CAMK4: variants seen among roughly 807,000 people sequenced by gnomAD.
The protein encoded by CAMK4 is calcium/calmodulin dependent protein kinase IV.
CAMK4 carries 22 observed loss-of-function variants against 44.9 expected under a neutral mutation model. That is an observed-to-expected ratio of 0.49 (90% CI 0.35 to 0.70). The LOEUF is 0.70. Among genes scored for constraint, CAMK4 ranks in the 30% least tolerant of loss-of-function variants. The pLI is 0.01. For missense variants in CAMK4, 498 were observed against 586.8 expected (o/e 0.85, Z 1.56); for synonymous variants, 218 against 215.4 (o/e 1.01, Z -0.11).
chr5:111,346,842 CAAAA>C (rs1483706488), intron 2 of CAMK4, among the ~76,000 whole-genome samples: 1 of 150,886 alleles, frequency 6.6e-6, no homozygotes. Context: ...AACAAACAAA[CAAAA>C]ACACTAACAC....
intron 4 of CAMK4, among the ~76,000 whole-genome samples, chr5:111,389,337 T>C (rs1751718240): frequency 6.6e-6 from 1 of 152,174 alleles, no homozygotes; most frequent in South Asian, 2.1e-4. Flanking sequence ...AACATATGAA[T>C]TTGGGAGAGA....
At chr5:111,229,244 G>C (rs1341686408) in intron 1 of CAMK4, among the ~76,000 whole-genome samples, 1 of 152,188 alleles carries the variant, frequency 6.6e-6, no homozygotes, top group African/African-American at 2.4e-5. Flanking sequence ...CCCAGCCAAT[G>C]CATTTCCTCA....
intron 1 of CAMK4, among the ~76,000 whole-genome samples, chr5:111,321,622 G>A (rs926460006): frequency 1.2e-4 from 18 of 152,148 alleles, no homozygotes; most frequent in African/African-American, 4.1e-4. Flanking sequence ...AGCAGTGGGT[G>A]TAGTCTCAAG....
At position 111,224,601 on chromosome 5, in the gene CAMK4, G is replaced by A; in HGVS notation, c.118G>A (p.Asp40Asn). 6.2e-7 allele frequency: 1 copy of A among 1,612,008 alleles called. No individual in the cohort carries two copies. The part of the protein sequence containing the change: ...PDYWIDGSNR[D>N]ALSDFFEVES... ...TTACTGGATCGACGGCTCCAACAGG[G>A]ATGCGCTGAGCGATTTCTTCGAGGT... The change falls in exon 1 of 11, where the codon GAT becomes AAT. Residue 40 changes from aspartate (D) to asparagine (N), a missense_variant. Transcript: ENST00000282356. This position sits in a 1 kb window ranked among gnomAD's most constrained non-coding sequence, Gnocchi z 5.7.
At chr5:111,443,421 A>G (rs182761681) in intron 5 of CAMK4, among the ~76,000 whole-genome samples, 1 of 149,172 alleles carries the variant, frequency 6.7e-6, no homozygotes, top group South Asian at 2.1e-4. Context: ...ATGTTTAGCA[A>G]ATCATCTCTG....
At chr5:111,401,792 G>A (rs188726612) in intron 5 of CAMK4, among the ~76,000 whole-genome samples, 2 of 152,278 alleles carry the variant, frequency 1.3e-5, no homozygotes, top group Admixed American at 1.3e-4. Flanking sequence ...AGGACTGGGG[G>A]AACAAAATGA....
intron 7 of CAMK4, among the ~76,000 whole-genome samples, chr5:111,470,836 G>T (rs1755038400): frequency 6.6e-6 from 1 of 152,178 alleles, no homozygotes; most frequent in African/African-American, 2.4e-5. Context: ...TCTGGTGAAG[G>T]TTTCCTGGGA....
At chr5:111,453,917 C>T (rs1754324077) in intron 7 of CAMK4, among the ~76,000 whole-genome samples, 1 of 152,068 alleles carries the variant, frequency 6.6e-6, no homozygotes, top group Non-Finnish European at 1.5e-5. Context: ...GAGGAATATC[C>T]CCTCCTGGGG....
chr5:111,415,003 T>C (rs575294762), intron 5 of CAMK4, among the ~76,000 whole-genome samples: 1 of 152,190 alleles, frequency 6.6e-6, no homozygotes, highest in African/African-American at 2.4e-5. Flanking sequence ...TCTGGAAGAA[T>C]AGTCTTAGAC....
At chr5:111,431,276 A>C (rs1199630959) in intron 5 of CAMK4, among the ~76,000 whole-genome samples, 2 of 152,190 alleles carry the variant, frequency 1.3e-5, no homozygotes, top group Non-Finnish European at 2.9e-5. Context: ...CAGTCTCTTC[A>C]ATAAATTGTT....
At chr5:111,416,214 A>G (rs531497714) in intron 5 of CAMK4, among the ~76,000 whole-genome samples, 1 of 152,272 alleles carries the variant, frequency 6.6e-6, no homozygotes, top group South Asian at 2.1e-4. Context: ...ACTATAAACT[A>G]TGCATATATA....
At chr5:111,297,222 A>G (rs1747525901) in intron 1 of CAMK4, among the ~76,000 whole-genome samples, 1 of 152,268 alleles carries the variant, frequency 6.6e-6, no homozygotes, top group African/African-American at 2.4e-5. Context: ...ATAATAAAAA[A>G]TACTTTGAAA....
rs569146630 is a variant in CAMK4, at chr5:111,316,587, T to C, written c.162-27437T>C. Among the ~76,000 whole-genome samples, 17 of 152,224 alleles carry C rather than the reference T, an allele frequency of 1.1e-4. No individual in the cohort carries two copies. The South Asian group carries it at 3.3e-3, about 30-fold the overall frequency. On this transcript the variant is annotated intron_variant, in intron 1 of 10. Transcript: ENST00000282356. ...GTTTGAAGAATGTGAAGATGCACGG[T>C]GAAGGCTCCTCTACAGGCGTAGAGA... is the stretch of plus-strand genomic sequence containing the variant.
In CAMK4 at chr5:111,283,699, C is replaced by T. The variant is rs147207924; in HGVS notation, c.161+59055C>T. ...TGTAGTTGTCCAAGTGTGCCATCAA[C>T]AATAACCTTTTTTTTCATTCTTAAT... On this transcript the variant is annotated intron_variant, in intron 1 of 10. Transcript: ENST00000282356. 3.8e-3 allele frequency among the ~76,000 whole-genome samples: 577 copies of T among 152,272 alleles called. 7 individuals are homozygous for T. The highest frequency in any genetic ancestry group is 0.013 in the African/African-American group (539 of 41,558).
At chr5:111,354,135 A>C (rs1347637939) in intron 2 of CAMK4, among the ~76,000 whole-genome samples, 1 of 152,138 alleles carries the variant, frequency 6.6e-6, no homozygotes, top group Non-Finnish European at 1.5e-5. Flanking sequence ...CAATTGCGAC[A>C]ACATGAATGA....
intron 5 of CAMK4, among the ~76,000 whole-genome samples, chr5:111,414,176 T>C (rs2112901442): frequency 6.6e-6 from 1 of 152,330 alleles, no homozygotes; most frequent in South Asian, 2.1e-4. Context: ...GAGATGCTGC[T>C]AACTTCAGAA....
At chr5:111,396,962 A>G (rs1441389246) in intron 5 of CAMK4, among the ~76,000 whole-genome samples, 1 of 152,122 alleles carries the variant, frequency 6.6e-6, no homozygotes, top group Middle Eastern at 3.2e-3. Context: ...TCCTAAATAT[A>G]TAAGTCTAGA....
rs62376844 is a variant in CAMK4, at chr5:111,224,501, G to T, written c.18G>T (p.Val6=). 1.2e-6 allele frequency: 2 copies of T among 1,607,224 alleles called. No individual in the cohort carries two copies. The highest frequency in any genetic ancestry group is 2.7e-5 in the African/African-American group (2 of 74,190). ...CTGCGAAGATGCTCAAAGTCACGGTGCCCTCCTGCTCCGCCTCGTCCTGCT... is the reference window on the plus strand; with the variant it reads ...CTGCGAAGATGCTCAAAGTCACGGTTCCCTCCTGCTCCGCCTCGTCCTGCT... MLKVT[V]PSCSASSCSS... Residue 6 remains valine (V), a synonymous_variant, in exon 1 of 11, where the codon GTG becomes GTT. Transcript: ENST00000282356. This position sits in a 1 kb window ranked among gnomAD's most constrained non-coding sequence, Gnocchi z 5.7.
intron 5 of CAMK4, among the ~76,000 whole-genome samples, chr5:111,405,109 A>G (rs1435767518): frequency 6.6e-6 from 1 of 152,202 alleles, no homozygotes; most frequent in Non-Finnish European, 1.5e-5. Context: ...ACGCTATTTG[A>G]TGTATCTAGA....
Sources: allele counts gnomAD v4.1 joint callset (sites outside exome capture counted in the v4.1 genomes callset), GRCh38; gene constraint gnomAD v4.1.1; non-coding constraint Gnocchi (gnomAD v3.1); transcripts MANE v1.5; gene names NCBI Gene and HGNC (gene_info 2026-07-23, HGNC 2026-07-21).